The following OPCML variants were observed in gnomAD, a reference collection of about 807,000 sequenced individuals.
OPCML encodes opioid-binding protein/cell adhesion molecule.
A neutral mutation model predicts 37.8 loss-of-function variants in OPCML; 13 were observed. The observed-to-expected ratio is 0.34, with a 90% CI of 0.22 to 0.55. OPCML has a LOEUF of 0.55. Among genes scored for constraint, OPCML ranks in the 20% least tolerant of loss-of-function variants. The pLI, the probability that OPCML is intolerant of heterozygous loss-of-function variation, is 0.91. For synonymous variants in OPCML, 176 were observed against 168.8 expected (o/e 1.04, Z -0.33); for missense variants, 341 against 435.6 (o/e 0.78, Z 1.93).
intron 1 of OPCML, among the ~76,000 whole-genome samples, chr11:133,469,478 A>G (rs1947056053): frequency 6.6e-6 from 1 of 152,196 alleles, no homozygotes; most frequent in East Asian, 1.9e-4. Flanking sequence ...TGTTGCTGTC[A>G]TACAAAAGCT....
intron 1 of OPCML, among the ~76,000 whole-genome samples, chr11:133,326,801 G>A (rs1350715322): frequency 6.8e-6 from 1 of 146,372 alleles, no homozygotes; most frequent in Non-Finnish European, 1.5e-5. Flanking sequence ...TGGGGTGTGG[G>A]TGTGTGTACA....
At chr11:133,172,485 G>A (rs1023056916) in intron 1 of OPCML, among the ~76,000 whole-genome samples, 1 of 152,106 alleles carries the variant, frequency 6.6e-6, no homozygotes, top group African/African-American at 2.4e-5. Flanking sequence ...AAAACCCCAC[G>A]GACAAAGGCC....
chr11:132,830,811 A>G (rs1940640674), intron 2 of OPCML, among the ~76,000 whole-genome samples: 1 of 152,214 alleles, frequency 6.6e-6, no homozygotes, highest in Admixed American at 6.5e-5. Flanking sequence ...TGCTTTCTTC[A>G]AAGTGAAAAG....
intron 1 of OPCML, among the ~76,000 whole-genome samples, chr11:133,402,563 C>T (rs1355504171): frequency 2.0e-5 from 3 of 152,170 alleles, no homozygotes; most frequent in South Asian, 2.1e-4. Context: ...ATCAGCATCT[C>T]TTTGAAAGGA....
At chr11:133,140,358 T>A (rs1332584265) in intron 1 of OPCML, among the ~76,000 whole-genome samples, 2 of 148,218 alleles carry the variant, frequency 1.3e-5, no homozygotes, top group Non-Finnish European at 3.0e-5. Context: ...CTAAAAAAAA[T>A]ACAAAAATTA....
At chr11:133,476,786 G>A (rs1270289760) in intron 1 of OPCML, among the ~76,000 whole-genome samples, 1 of 152,130 alleles carries the variant, frequency 6.6e-6, no homozygotes, top group Non-Finnish European at 1.5e-5. Context: ...CGGTAGTTTT[G>A]GCCCATTTCA....
intron 4 of OPCML, among the ~76,000 whole-genome samples, chr11:132,451,734 G>T (rs1262671133): frequency 2.0e-5 from 3 of 152,098 alleles, no homozygotes; most frequent in Non-Finnish European, 4.4e-5. Context: ...TGGAAGGTGT[G>T]GGCCATCCAT....
At chr11:132,848,682 T>G (rs1434445296) in intron 2 of OPCML, among the ~76,000 whole-genome samples, 1 of 152,188 alleles carries the variant, frequency 6.6e-6, no homozygotes, top group East Asian at 1.9e-4. Context: ...ATTACACCTT[T>G]CCTGATTCAA....
At chr11:133,190,316 C>CA (rs572504826) in intron 1 of OPCML, among the ~76,000 whole-genome samples, 40 of 152,018 alleles carry the variant, frequency 2.6e-4, no homozygotes, top group African/African-American at 9.6e-4. Context: ...TTTTAAGGGA[C>CA]AAAAAAAGAG....
intron 1 of OPCML, chr11:133,439,448 T>A (rs1002366070): frequency 8.1e-6 from 8 of 984,878 alleles, no homozygotes; most frequent in Middle Eastern, 5.2e-4. Flanking sequence ...TCTTTTTTGT[T>A]TTTTTGTTTT....
At chr11:133,085,224 G>A (rs952327261) in intron 1 of OPCML, among the ~76,000 whole-genome samples, 2 of 152,140 alleles carry the variant, frequency 1.3e-5, no homozygotes, top group African/African-American at 4.8e-5. Flanking sequence ...CCAGACATGG[G>A]GCTCCACAGT....
intron 3 of OPCML, among the ~76,000 whole-genome samples, chr11:132,599,453 AGAGGAG>A (rs1233000030): frequency 6.7e-6 from 1 of 149,416 alleles, no homozygotes; most frequent in African/African-American, 2.5e-5. Flanking sequence ...AGGAGGAGGA[AGAGGAG>A]GAGGAGGAGG....
intron 4 of OPCML, among the ~76,000 whole-genome samples, chr11:132,473,810 A>T (rs1410835929): frequency 6.6e-6 from 1 of 151,496 alleles, no homozygotes; most frequent in African/African-American, 2.4e-5. Context: ...TTGGTGACAG[A>T]GTGAAACTCT....
At chr11:132,457,075 G>A (rs989316678) in intron 4 of OPCML, among the ~76,000 whole-genome samples, 1 of 152,146 alleles carries the variant, frequency 6.6e-6, no homozygotes, top group South Asian at 2.1e-4. Context: ...GTGGTTTCTG[G>A]GAGGAGCTGA....
At chr11:132,466,317 C>CAAAAAA (rs35491939) in intron 4 of OPCML, among the ~76,000 whole-genome samples, 1 of 105,276 alleles carries the variant, frequency 9.5e-6, no homozygotes, top group Non-Finnish European at 2.2e-5. Context: ...ACTAAAAATA[C>CAAAAAA]AAAAAAAAAA....
At chr11:132,552,761 C>CCCTTTTTTTTTTTTTTTTTTTTTT (rs1337627753) in intron 3 of OPCML, among the ~76,000 whole-genome samples, 1 of 67,476 alleles carries the variant, frequency 1.5e-5, no homozygotes, top group African/African-American at 1.1e-4. Context: ...TTAAACACTA[C>CCCTTTTTTTTTTTTTTTTTTTTTT]TCTTTTTTTT....
At chr11:133,082,802 C>A (rs1948754187) in intron 1 of OPCML, among the ~76,000 whole-genome samples, 1 of 148,362 alleles carries the variant, frequency 6.7e-6, no homozygotes, top group South Asian at 2.1e-4. Flanking sequence ...GGCCTCCTCG[C>A]GGCCCGGGCG....
intron 1 of OPCML, among the ~76,000 whole-genome samples, chr11:133,262,177 T>C (rs1008999221): frequency 1.3e-5 from 2 of 152,236 alleles, no homozygotes; most frequent in Non-Finnish European, 2.9e-5. Flanking sequence ...TGAACCTATA[T>C]GCATTATCTC....
At chr11:133,049,995 T>C (rs75164010) in intron 1 of OPCML, among the ~76,000 whole-genome samples, 8,334 of 152,312 alleles carry the variant, frequency 0.055, 328 homozygotes, top group Non-Finnish European at 0.087. Context: ...CCCTCACCAG[T>C]TGACTTTAAA....
Sources: gnomAD v4.1 joint callset for allele counts (sites outside exome capture counted in the v4.1 genomes callset) on GRCh38, gnomAD v4.1.1 for gene constraint, MANE v1.5 for transcripts, NCBI Gene and HGNC (gene_info 2026-07-23, HGNC 2026-07-21) for gene names.